The following DAP variants were observed in gnomAD, a reference collection of about 807,000 sequenced individuals.
DAP encodes the protein death associated protein.
In DAP, 8 loss-of-function variants were observed where a neutral mutation model predicts 13.8. The ratio of observed to expected loss-of-function variants is 0.58; its 90% CI spans 0.34 to 1.05. The LOEUF (loss-of-function observed/expected upper bound fraction) is 1.05. Among genes scored for constraint, DAP ranks in the 50% least tolerant of loss-of-function variants. The pLI is 0.03. For missense variants in DAP, 106 were observed against 133.2 expected (o/e 0.80, Z 1.01); for synonymous variants, 47 against 47.5 (o/e 0.99, Z 0.04).
chr5:10,710,648 G>T (rs932252164), intron 2 of DAP, among the ~76,000 whole-genome samples: 3 of 152,218 alleles, frequency 2.0e-5, no homozygotes, highest in Non-Finnish European at 4.4e-5. Context: ...ACAGAGCCTG[G>T]GAGGGTGGCT....
intron 2 of DAP, among the ~76,000 whole-genome samples, chr5:10,708,172 A>C (rs887299496): frequency 2.3e-4 from 35 of 152,208 alleles, no homozygotes; most frequent in Non-Finnish European, 5.9e-5. Flanking sequence ...CCAAATTATT[A>C]ATTCTTCTCT....
chr5:10,685,526 G>C (rs1738134868), intron 2 of DAP, among the ~76,000 whole-genome samples: 4 of 152,198 alleles, frequency 2.6e-5, no homozygotes, highest in Admixed American at 2.6e-4. Flanking sequence ...GATTTGGAAA[G>C]GAATACACAA....
chr5:10,759,256 T>C (rs532551204), intron 1 of DAP, among the ~76,000 whole-genome samples: 9 of 152,288 alleles, frequency 5.9e-5, no homozygotes, highest in Admixed American at 1.3e-4. Flanking sequence ...TGGTTCTGTA[T>C]CATTCCAACA....
Position 10,683,565 on chromosome 5 carries a change from A to G in DAP, c.159T>C (p.Pro53=). The part of the protein sequence containing the change: ...DDQEWESPSP[P]KPTVFISGVI... Reference sequence around the variant, plus strand: ...CCCCAGAGATGAACACAGTGGGTTTAGGTGGACTGGAAAAAAAGAAGGGAA... The same window carrying G: ...CCCCAGAGATGAACACAGTGGGTTTGGGTGGACTGGAAAAAAAGAAGGGAA... Residue 53 remains proline (P), a synonymous_variant, in exon 3 of 4, where the codon CCT becomes CCC. Transcript: ENST00000230895. 1.2e-6 allele frequency: 2 copies of G among 1,614,082 alleles called. No homozygotes were observed. The highest frequency in any genetic ancestry group is 1.7e-6 in the Non-Finnish European group (2 of 1,179,970).
intron 1 of DAP, among the ~76,000 whole-genome samples, chr5:10,758,864 A>G (rs1242167190): frequency 6.6e-6 from 1 of 152,228 alleles, no homozygotes. Context: ...AGAAAACCAG[A>G]GTCCAGCAAG....
At chr5:10,691,799 AC>A (rs2126639406) in intron 2 of DAP, among the ~76,000 whole-genome samples, 1 of 152,328 alleles carries the variant, frequency 6.6e-6, no homozygotes, top group East Asian at 1.9e-4. Flanking sequence ...CACTTCCTAT[AC>A]ACTAGCAGAA....
intron 3 of DAP, chr5:10,682,975 G>C (rs764435595): frequency 1.7e-5 from 3 of 171,736 alleles, no homozygotes; most frequent in Non-Finnish European, 2.4e-5. Context: ...ACAGAGCCAG[G>C]TTCGGCCTGT....
intron 3 of DAP, 198 bp downstream of exon 3, chr5:10,683,331 A>G: frequency 3.0e-6 from 2 of 673,394 alleles, no homozygotes; most frequent in Non-Finnish European, 2.7e-6. Flanking sequence ...CTGGAAAGGT[A>G]AAGGATGCGA....
chr5:10,696,843 C>T (rs1001060321), intron 2 of DAP, among the ~76,000 whole-genome samples: 7 of 152,114 alleles, frequency 4.6e-5, no homozygotes, highest in Admixed American at 2.0e-4. Context: ...TGTGCCATGG[C>T]GCAGGGTTTC....
intron 1 of DAP, among the ~76,000 whole-genome samples, chr5:10,755,292 C>T (rs918740885): frequency 4.6e-5 from 7 of 152,308 alleles, no homozygotes; most frequent in African/African-American, 1.2e-4. Flanking sequence ...GGATTCTCCC[C>T]GATCCTCCAG....
At chr5:10,689,581 T>A (rs1277534346) in intron 2 of DAP, among the ~76,000 whole-genome samples, 1 of 152,166 alleles carries the variant, frequency 6.6e-6, no homozygotes, top group Non-Finnish European at 1.5e-5. Context: ...AGGATGTCAA[T>A]GAAAATCATG....
chr5:10,753,548 G>A (rs185904898), intron 1 of DAP, among the ~76,000 whole-genome samples: 1 of 152,362 alleles, frequency 6.6e-6, no homozygotes, highest in East Asian at 1.9e-4. Context: ...GGAGGCAAAT[G>A]ACTATGTGGG....
intron 2 of DAP, among the ~76,000 whole-genome samples, chr5:10,687,593 G>A (rs1172225783): frequency 1.3e-5 from 2 of 152,304 alleles, no homozygotes; most frequent in East Asian, 3.9e-4. Context: ...CTGAATGGCT[G>A]CAATCTTGTG....
At chr5:10,718,035 G>A (rs564724534) in intron 2 of DAP, among the ~76,000 whole-genome samples, 7 of 152,282 alleles carry the variant, frequency 4.6e-5, no homozygotes, top group African/African-American at 1.7e-4. Context: ...CTTGAGGAAG[G>A]ACCCTACTAC....
At position 10,702,731 on chromosome 5, in the gene DAP, A is replaced by G. The variant is rs146053289; in HGVS notation, c.153-19160T>C. On this transcript the variant is annotated intron_variant, in intron 2 of 3. Coordinates refer to ENST00000230895, the MANE Select transcript of DAP (RefSeq NM_004394.3). ...TAACGAATTCAACAGGAAAAACTCC[A>G]TCTACCTTCTTTATGGCAACTCCTG... 3.8e-3 allele frequency among the ~76,000 whole-genome samples: 578 copies of G among 152,354 alleles called. 6 individuals carry two copies. The highest frequency in any genetic ancestry group is 0.013 in the African/African-American group (527 of 41,586).
chr5:10,699,508 C>T (rs1057256680), intron 2 of DAP, among the ~76,000 whole-genome samples: 1 of 152,170 alleles, frequency 6.6e-6, no homozygotes, highest in African/African-American at 2.4e-5. Context: ...GAAGCTAATG[C>T]GAAAGCAGGT....
At chr5:10,702,836 T>C (rs574893094) in intron 2 of DAP, among the ~76,000 whole-genome samples, 2 of 152,180 alleles carry the variant, frequency 1.3e-5, no homozygotes, top group African/African-American at 4.8e-5. Flanking sequence ...AGGTAGCTCA[T>C]CTTGTTAAGA....
At chr5:10,736,410 A>G (rs1384379373) in intron 2 of DAP, among the ~76,000 whole-genome samples, 1 of 152,182 alleles carries the variant, frequency 6.6e-6, no homozygotes, top group Non-Finnish European at 1.5e-5. Flanking sequence ...AGCTGCCATT[A>G]GGACAGCCTG....
chr5:10,690,012 C>T (rs1396360753), intron 2 of DAP, among the ~76,000 whole-genome samples: 2 of 152,176 alleles, frequency 1.3e-5, no homozygotes, highest in African/African-American at 2.4e-5. Flanking sequence ...TGTGCTCCAG[C>T]GCCCCCATCT....
Sources: allele counts gnomAD v4.1 joint callset (sites outside exome capture counted in the v4.1 genomes callset), GRCh38; gene constraint gnomAD v4.1.1; transcripts MANE v1.5; gene names NCBI Gene and HGNC (gene_info 2026-07-23, HGNC 2026-07-21).